DIAPH3: variants seen among roughly 807,000 people sequenced by gnomAD.
DIAPH3 encodes diaphanous related formin 3.
A neutral mutation model predicts 144.3 loss-of-function variants in DIAPH3; 117 were observed. The ratio of observed to expected loss-of-function variants is 0.81; its 90% CI spans 0.70 to 0.95. DIAPH3 has a LOEUF of 0.95. DIAPH3 is among the 40% of genes least tolerant of loss of function. The pLI is 0.00. For missense variants in DIAPH3, 1,421 were observed against 1,412.7 expected (o/e 1.01, Z -0.09); for synonymous variants, 519 against 488.9 (o/e 1.06, Z -0.81).
At chr13:60,103,806 G>C (rs1949387560) in intron 3 of DIAPH3, among the ~76,000 whole-genome samples, 1 of 152,180 alleles carries the variant, frequency 6.6e-6, no homozygotes, top group African/African-American at 2.4e-5. Context: ...TCTTGTGACA[G>C]AGCTCAACAT....
chr13:59,992,021 CAAT>C, intron 11 of DIAPH3, 44 bp downstream of exon 11: 1 of 1,489,718 alleles, frequency 6.7e-7, no homozygotes, highest in Non-Finnish European at 9.4e-7. Context: ...TTGGATTTAG[CAAT>C]AATTTTATAT....
chr13:60,141,200 A>T (rs1014127479), intron 1 of DIAPH3, among the ~76,000 whole-genome samples: 9 of 152,214 alleles, frequency 5.9e-5, no homozygotes, highest in Non-Finnish European at 1.0e-4. Flanking sequence ...CCATCTTGAG[A>T]AAGTTAGGGT....
chr13:59,705,965 G>A (rs1851616932), intron 27 of DIAPH3, among the ~76,000 whole-genome samples: 1 of 151,428 alleles, frequency 6.6e-6, no homozygotes, highest in African/African-American at 2.4e-5. Context: ...ATTTACTGTT[G>A]TTATCTAGTA....
chr13:59,667,922 T>C (rs1036347468), intron 27 of DIAPH3, among the ~76,000 whole-genome samples: 2 of 152,220 alleles, frequency 1.3e-5, no homozygotes, highest in Non-Finnish European at 2.9e-5. Flanking sequence ...AAACAGCTTG[T>C]ACATTAAAAG....
At chr13:59,745,955 A>G (rs2036680454) in intron 27 of DIAPH3, among the ~76,000 whole-genome samples, 1 of 152,188 alleles carries the variant, frequency 6.6e-6, no homozygotes, top group Non-Finnish European at 1.5e-5. Flanking sequence ...AATATTTCTA[A>G]TCACTAGTTC....
intron 4 of DIAPH3, among the ~76,000 whole-genome samples, chr13:60,043,347 A>G (rs1418395615): frequency 1.3e-5 from 2 of 152,220 alleles, no homozygotes; most frequent in Non-Finnish European, 2.9e-5. Context: ...CCTGTAACAC[A>G]GCACCAAGAG....
intron 27 of DIAPH3, among the ~76,000 whole-genome samples, chr13:59,697,070 C>G (rs992774857): frequency 1.3e-5 from 2 of 151,872 alleles, no homozygotes; most frequent in Non-Finnish European, 2.9e-5. Context: ...TGTAAAAATT[C>G]AGAAATTCCA....
intron 17 of DIAPH3, among the ~76,000 whole-genome samples, chr13:59,931,203 G>A (rs1025965330): frequency 1.3e-5 from 2 of 152,068 alleles, no homozygotes; most frequent in Non-Finnish European, 2.9e-5. Flanking sequence ...GAATCTAGTC[G>A]ATTCTAACTC....
At position 59,929,614 on chromosome 13, in the gene DIAPH3, G is replaced by A. The variant is rs190733373; in HGVS notation, c.2075-4744C>T. Reference sequence around the variant, plus strand: ...GTCTTGCTCTGTCGCCCAGGCCAGAGTGCAGCGGTGTGATCTCGGCTCACT... The same window carrying A: ...GTCTTGCTCTGTCGCCCAGGCCAGAATGCAGCGGTGTGATCTCGGCTCACT... On this transcript the variant is annotated intron_variant, in intron 17 of 27. Transcript: ENST00000400324. 3.5e-3 allele frequency among the ~76,000 whole-genome samples: 477 copies of A among 135,556 alleles called. 3 individuals carry two copies. Among genetic ancestry groups the A allele is most frequent in the African/African-American group, 0.013 (454 of 35,850 alleles). 88.9% of individuals were successfully genotyped at this position (135,556 alleles called of 152,430 possible).
chr13:59,824,112 A>G (rs1163550576), intron 24 of DIAPH3, among the ~76,000 whole-genome samples: 2 of 152,162 alleles, frequency 1.3e-5, no homozygotes, highest in Non-Finnish European at 2.9e-5. Context: ...TATACATGTG[A>G]AACAGGTAGC....
chr13:59,833,982 C>T (rs960884513), intron 23 of DIAPH3, among the ~76,000 whole-genome samples: 1 of 151,516 alleles, frequency 6.6e-6, no homozygotes, highest in African/African-American at 2.4e-5. Flanking sequence ...AATTAGTGTT[C>T]CAACTTCTCT....
In DIAPH3 at chr13:59,819,764, T is replaced by TAA. The variant is rs35803459; in HGVS notation, c.3028-8843_3028-8842dup. ...GACATTTCATCACTTTTAGAAGTTG[T>TAA]AAAAAAAAAAAAATCAATCTGAGCT... On this transcript the variant is annotated intron_variant, in intron 24 of 27. Coordinates refer to ENST00000400324, the MANE Select transcript of DIAPH3 (RefSeq NM_001042517.2). 9.6e-3 allele frequency among the ~76,000 whole-genome samples: 1,421 copies of TAA among 147,386 alleles called. 22 individuals carry two copies. Among genetic ancestry groups the TAA allele is most frequent in the African/African-American group, 0.03 (1,191 of 40,338 alleles).
intron 5 of DIAPH3, among the ~76,000 whole-genome samples, chr13:60,022,547 C>T (rs1407894371): frequency 6.6e-6 from 1 of 152,150 alleles, no homozygotes; most frequent in East Asian, 1.9e-4. Flanking sequence ...GCCTGGGACT[C>T]TGGGTAGAAT....
chr13:59,760,133 C>G (rs1311345344), intron 27 of DIAPH3, among the ~76,000 whole-genome samples: 1 of 152,178 alleles, frequency 6.6e-6, no homozygotes, highest in Non-Finnish European at 1.5e-5. Context: ...ATGCCCTTCA[C>G]TTTTTTCTTC....
intron 5 of DIAPH3, among the ~76,000 whole-genome samples, chr13:60,025,693 T>C (rs988019720): frequency 6.6e-6 from 1 of 152,072 alleles, no homozygotes; most frequent in African/African-American, 2.4e-5. Flanking sequence ...TTATAAATAA[T>C]TCTGTAGAAG....
At chr13:59,751,966 A>G (rs553679330) in intron 27 of DIAPH3, among the ~76,000 whole-genome samples, 2 of 152,348 alleles carry the variant, frequency 1.3e-5, no homozygotes, top group Non-Finnish European at 2.9e-5. Flanking sequence ...ATGAGCCAAG[A>G]AGCAGGATAT....
intron 14 of DIAPH3, among the ~76,000 whole-genome samples, chr13:59,979,668 G>A (rs1288835652): frequency 1.3e-5 from 2 of 151,594 alleles, no homozygotes; most frequent in African/African-American, 2.4e-5. Context: ...ACAAAACAGT[G>A]CCTATAATTT....
At chr13:60,022,419 T>C (rs915537763) in intron 5 of DIAPH3, among the ~76,000 whole-genome samples, 1 of 151,154 alleles carries the variant, frequency 6.6e-6, no homozygotes, top group African/African-American at 2.4e-5. Flanking sequence ...GTTAAGAAAG[T>C]TCCCCTCTGT....
At chr13:59,820,833 T>G (rs1263369057) in intron 24 of DIAPH3, among the ~76,000 whole-genome samples, 3 of 149,912 alleles carry the variant, frequency 2.0e-5, no homozygotes, top group African/African-American at 7.4e-5. Context: ...TAATACTATT[T>G]ATTTAACTAT....
Sources: allele counts gnomAD v4.1 joint callset (sites outside exome capture counted in the v4.1 genomes callset), GRCh38; gene constraint gnomAD v4.1.1; transcripts MANE v1.5; gene names NCBI Gene and HGNC (gene_info 2026-07-23, HGNC 2026-07-21).